Variants in PCDHA1 observed in about 807,000 individuals in gnomAD.
The protein encoded by PCDHA1 is protocadherin alpha-1.
In PCDHA1, 42 loss-of-function variants were observed where a neutral mutation model predicts 61.3. That is an observed-to-expected ratio of 0.69 (90% CI 0.54 to 0.89). The LOEUF (loss-of-function observed/expected upper bound fraction) is 0.89, where lower values mean the gene tolerates loss of function less well. Ranked by LOEUF, PCDHA1 falls within the 40% of genes least tolerant of loss-of-function variation. PCDHA1 has a pLI of 0.00. For synonymous variants in PCDHA1, 610 were observed against 553.8 expected (o/e 1.10, Z -1.43); for missense variants, 1,256 against 1,235.3 (o/e 1.02, Z -0.25).
At chr5:140,796,901 G>C in intron 1 of PCDHA1, 5 of 1,613,894 alleles carry the variant, frequency 3.1e-6, no homozygotes, top group Non-Finnish European at 4.2e-6. Context: ...CCTCGACACC[G>C]CCTACTCGTG....
rs552517946 is a variant in PCDHA1 at position 140,913,359 on chromosome 5, A to G, written c.2395-65590A>G. Reference sequence around the variant, plus strand: ...TTTATCCATTTCCTCTAGATTTTTAAATTTATTGGCATATAGTGGCTCATC... The same window carrying G: ...TTTATCCATTTCCTCTAGATTTTTAGATTTATTGGCATATAGTGGCTCATC... On this transcript the variant is annotated intron_variant, in intron 1 of 3. Coordinates refer to ENST00000504120, the MANE Select transcript of PCDHA1 (RefSeq NM_018900.4). Among the ~76,000 whole-genome samples, 4 of 152,082 alleles carry G rather than the reference A, an allele frequency of 2.6e-5. No homozygotes were observed. In the East Asian group the frequency reaches 7.7e-4, roughly 29 times the overall value.
intron 1 of PCDHA1, among the ~76,000 whole-genome samples, chr5:140,956,942 A>G (rs2153711637): frequency 6.7e-6 from 1 of 148,840 alleles, no homozygotes; most frequent in Admixed American, 6.8e-5. Flanking sequence ...GATAAAATTT[A>G]CATTAAAACA....
chr5:140,858,711 A>T, intron 1 of PCDHA1: 1 of 537,382 alleles, frequency 1.9e-6, no homozygotes, highest in East Asian at 3.0e-5. Context: ...TATGTGATAT[A>T]GGTTGCAGTT....
chr5:140,893,205 T>A (rs192969362), intron 1 of PCDHA1, among the ~76,000 whole-genome samples: 1 of 152,338 alleles, frequency 6.6e-6, no homozygotes, highest in East Asian at 1.9e-4. Context: ...CTGCAGTAAG[T>A]ATGGGAGGTG....
chr5:140,919,763 A>T (rs2079297949), intron 1 of PCDHA1, among the ~76,000 whole-genome samples: 2 of 152,090 alleles, frequency 1.3e-5, no homozygotes, highest in African/African-American at 4.8e-5. Flanking sequence ...TGCCTTTTGT[A>T]TTACTGTTAC....
intron 1 of PCDHA1, among the ~76,000 whole-genome samples, chr5:140,820,849 A>G (rs1417595878): frequency 6.6e-6 from 1 of 152,110 alleles, no homozygotes; most frequent in Non-Finnish European, 1.5e-5. Context: ...ACTTGAAGAA[A>G]TGCTATCTAG....
chr5:140,842,998 T>G (rs2150349585), intron 1 of PCDHA1: 5 of 1,594,952 alleles, frequency 3.1e-6, no homozygotes, highest in Non-Finnish European at 4.3e-6. Flanking sequence ...TGGACGAGAA[T>G]GACAACGCGC....
rs370933207 is a variant in PCDHA1 at position 140,802,114 on chromosome 5, G to A, written c.2394+13430G>A. The stretch of plus-strand genomic sequence containing the variant: ...GTCAATGGACAAATCAGTGTAAAGG[G>A]TAACATAGATTTCGAGGAAAGTAAG... On this transcript the variant is annotated intron_variant, in intron 1 of 3. Coordinates refer to ENST00000504120, the MANE Select transcript of PCDHA1 (RefSeq NM_018900.4). 4.3e-6 allele frequency: 7 copies of A among 1,614,200 alleles called. No individual in the cohort carries two copies. In the South Asian group the frequency reaches 6.6e-5, roughly 15 times the overall value.
chr5:140,807,842 A>C, intron 1 of PCDHA1: 1 of 1,614,174 alleles, frequency 6.2e-7, no homozygotes. Flanking sequence ...TGATGGAGGC[A>C]AACCCGAGTT....
At position 140,787,990 on chromosome 5, in the gene PCDHA1, C is replaced by G. The variant is rs368549830; in HGVS notation, c.1700C>G (p.Ala567Gly). The G allele has an allele frequency of 6.2e-7, 1 of 1,613,868 alleles. No homozygotes were observed. The highest frequency in any genetic ancestry group is 1.3e-5 in the African/African-American group (1 of 74,934). ...DENDNAPALL[A>G]PRVGGTIGAV... ...AACGACAACGCGCCGGCGCTGCTGG[C>G]GCCTCGAGTGGGTGGCACTATTGGT... Residue 567 changes from alanine to glycine, a missense_variant, in exon 1 of 4, where the codon GCG (alanine) becomes GGG (glycine). Physicochemically the swap from Ala to Gly is moderately conservative, Grantham distance 60 (BLOSUM62 0). Coordinates refer to ENST00000504120, the MANE Select transcript of PCDHA1 (RefSeq NM_018900.4).
At position 140,902,128 on chromosome 5, in the gene PCDHA1, A is replaced by T. The variant is rs140093707; in HGVS notation, c.2395-76821A>T. On this transcript the variant is annotated intron_variant, in intron 1 of 3. Transcript: ENST00000504120. ...ATTTTTTTAAAACTGAGATTATATC[A>T]TCTGCAAACAAGGATAATTTGATTT... Among the ~76,000 whole-genome samples the T allele has an allele frequency of 8.6e-3, 1,299 of 150,978 alleles. 13 individuals are homozygous for T. Among genetic ancestry groups the T allele is most frequent in the African/African-American group, 0.03 (1,241 of 41,218 alleles).
chr5:141,009,710 C>A lies in PCDHA1; in HGVS notation c.2626C>A (p.Pro876Thr), dbSNP rs2098413865. 1 of 1,613,980 alleles carries A rather than the reference C, an allele frequency of 6.2e-7. No individual in the cohort carries two copies. Among genetic ancestry groups the A allele is most frequent in the African/African-American group, 1.3e-5 (1 of 74,884 alleles). Residue 876 changes from proline (P) to threonine (T), a missense_variant, in exon 4 of 4, where the codon CCC becomes ACC. Pro to Thr is a conservative substitution (Grantham distance 38). Transcript: ENST00000504120. ...GACCTTTAAATACGGACCAGGCAAC[C>A]CCAAACAATCCGGTCCCGGTGAGTT... ...SWTFKYGPGN[P>T]KQSGPGELPD...
intron 1 of PCDHA1, chr5:140,807,631 T>C: frequency 6.2e-7 from 1 of 1,614,190 alleles, no homozygotes; most frequent in Non-Finnish European, 8.5e-7. Flanking sequence ...CCAGGCCGCT[T>C]GACTCTCGGT....
Position 140,787,672 on chromosome 5 carries a change from C to T in PCDHA1, c.1382C>T (p.Thr461Ile). 6.2e-7 allele frequency: 1 copy of T among 1,613,856 alleles called. No individual in the cohort carries two copies. The highest frequency in any genetic ancestry group is 8.5e-7 in the Non-Finnish European group (1 of 1,179,924). Residue 461 changes from threonine (T) to isoleucine (I), a missense_variant, in exon 1 of 4, where the codon ACA becomes ATA. Transcript: ENST00000504120. ...CCTGCGTTCGCGCAGCCCGAGTACA[C>T]AGTATTCGTGAAGGAGAACAACCCG... ...NAPAFAQPEYTVFVKENNPPG... is the reference protein window; with the variant it reads ...NAPAFAQPEYIVFVKENNPPG...
chr5:140,883,227 T>C (rs1367769120), intron 1 of PCDHA1: 2 of 1,613,830 alleles, frequency 1.2e-6, no homozygotes, highest in African/African-American at 2.7e-5. Flanking sequence ...GAAATATCCG[T>C]GGAGGCAGTT....
At chr5:140,819,257 A>G (rs1260397193) in intron 1 of PCDHA1, among the ~76,000 whole-genome samples, 3 of 152,168 alleles carry the variant, frequency 2.0e-5, no homozygotes, top group Non-Finnish European at 4.4e-5. Context: ...TGGTATATCT[A>G]TATAATTTCT....
intron 1 of PCDHA1, among the ~76,000 whole-genome samples, chr5:140,846,443 C>T (rs1355812875): frequency 2.2e-5 from 3 of 134,856 alleles, no homozygotes; most frequent in Non-Finnish European, 4.7e-5. Context: ...GGCGCAATCT[C>T]GGCTCACTGC....
At chr5:140,955,460 C>G (rs1051253944) in intron 1 of PCDHA1, among the ~76,000 whole-genome samples, 2 of 152,000 alleles carry the variant, frequency 1.3e-5, no homozygotes, top group Non-Finnish European at 2.9e-5. Flanking sequence ...GGGCTTTTTC[C>G]TTTTTGCTTG....
intron 1 of PCDHA1, among the ~76,000 whole-genome samples, chr5:140,799,908 C>T (rs930694231): frequency 4.6e-5 from 7 of 152,028 alleles, no homozygotes; most frequent in Non-Finnish European, 1.0e-4. Flanking sequence ...CCAAATGCGG[C>T]GAGAATTCAT....
Sources: allele counts gnomAD v4.1 joint callset (sites outside exome capture counted in the v4.1 genomes callset), GRCh38; gene constraint gnomAD v4.1.1; transcripts MANE v1.5; gene names NCBI Gene and HGNC (gene_info 2026-07-23, HGNC 2026-07-21).